The following RNF122 variants were observed in gnomAD, a reference collection of about 807,000 sequenced individuals.
The protein encoded by RNF122 is ring finger protein 122.
In RNF122, 17 loss-of-function variants were observed where a neutral mutation model predicts 24.2. That is an observed-to-expected ratio of 0.70 (90% CI 0.48 to 1.06). RNF122 has a LOEUF of 1.06. Ranked by LOEUF, RNF122 falls within the 50% of genes least tolerant of loss-of-function variation. The pLI is 0.00. For missense variants in RNF122, 168 were observed against 198.1 expected (o/e 0.85, Z 0.91); for synonymous variants, 65 against 71.8 (o/e 0.91, Z 0.48).
intron 3 of RNF122, 128 bp downstream of exon 3, chr8:33,551,216 A>AGC: frequency 3.4e-6 from 5 of 1,452,706 alleles, no homozygotes; most frequent in Non-Finnish European, 3.9e-6. Flanking sequence ...GAAGGGGTTT[A>AGC]GCCTCAGGGA....
At chr8:33,556,223 C>T (rs1462387420) in intron 2 of RNF122, among the ~76,000 whole-genome samples, 6 of 150,224 alleles carry the variant, frequency 4.0e-5, no homozygotes, top group Non-Finnish European at 5.9e-5. Flanking sequence ...AAGGTCACAC[C>T]TATTATTGGT....
chr8:33,560,404 A>G (rs1810522676), intron 1 of RNF122, among the ~76,000 whole-genome samples: 1 of 151,618 alleles, frequency 6.6e-6, no homozygotes, highest in Non-Finnish European at 1.5e-5. Context: ...ACAAGGTCTC[A>G]CTCTGTCCCT....
intron 4 of RNF122, among the ~76,000 whole-genome samples, chr8:33,550,226 C>A (rs1037038436): frequency 6.6e-5 from 10 of 152,146 alleles, no homozygotes; most frequent in African/African-American, 2.4e-4. Context: ...AGCCACCGCA[C>A]CTGGCCCAGT....
rs1457579520 is a variant in RNF122 at position 33,549,471 on chromosome 8, CCAGA to C, written c.288_291del (p.Cys96TrpfsTer10). 3 of 1,613,960 alleles carry C rather than the reference CCAGA, an allele frequency of 1.9e-6. No homozygotes were observed. Among genetic ancestry groups the C allele is most frequent in the Non-Finnish European group, 2.5e-6 (3 of 1,179,942 alleles). On this transcript the variant is annotated frameshift_variant, in exon 5 of 6. Transcript: ENST00000256257. LOFTEE classifies it high-confidence loss of function. ...AACTCATCCTTCCCCTTGAAGTCTT[CCAGA>C]CAGACTGCGCAGGTCTGCTGCAGAG...
chr8:33,553,672 CCCCAGT>C (rs1437379585), intron 2 of RNF122, among the ~76,000 whole-genome samples: 1 of 152,216 alleles, frequency 6.6e-6, no homozygotes, highest in Non-Finnish European at 1.5e-5. Flanking sequence ...TCACAAACAG[CCCCAGT>C]GGAAGGGGGT....
In RNF122 at chr8:33,566,912, A is replaced by C; in HGVS notation, c.-189T>G. 1.6e-5 allele frequency: 10 copies of C among 632,710 alleles called. No individual in the cohort carries two copies. Among genetic ancestry groups the C allele is most frequent in the East Asian group, 2.9e-5 (1 of 34,360 alleles). The allele number at this position is 632,710 out of a possible 1,614,324, so 39.2% of individuals were successfully genotyped here. A position where few individuals can be genotyped will look rare whatever the true frequency, so the allele number is the denominator to read the frequency against. ...GACGAGGCTGGTGTTCAGCCCAACA[A>C]AGAGGGACGAGGAGGAAACAAACAA... On this transcript the variant is annotated 5_prime_UTR_variant, in exon 1 of 6. Transcript: ENST00000256257.
chr8:33,565,137 C>A (rs1362609213), intron 1 of RNF122, among the ~76,000 whole-genome samples: 3 of 152,160 alleles, frequency 2.0e-5, no homozygotes, highest in Non-Finnish European at 4.4e-5. Context: ...TCCCAGCCAA[C>A]GGGAATCTTT....
chr8:33,557,338 A>T (rs1810468957), intron 2 of RNF122, among the ~76,000 whole-genome samples: 1 of 152,224 alleles, frequency 6.6e-6, no homozygotes, highest in Non-Finnish European at 1.5e-5. Flanking sequence ...TATAGAAAAC[A>T]GCCACCAGAG....
At chr8:33,552,028 T>C (rs1810383520) in intron 2 of RNF122, among the ~76,000 whole-genome samples, 2 of 152,232 alleles carry the variant, frequency 1.3e-5, no homozygotes, top group African/African-American at 4.8e-5. Context: ...GTACTTGCTA[T>C]ATGTCGCTGG....
At position 33,551,353 on chromosome 8, in the gene RNF122, T is replaced by A. The variant is rs775706522; in HGVS notation, c.219A>T (p.Gly73=). Residue 73 remains glycine, a synonymous_variant, in exon 3 of 6, where the codon GGA becomes GGT. Transcript: ENST00000256257. ...LRNQAQSERY[G]YKEVVLKGDA... ...ACACGCAGCACTTTACCTCCTTATATCCGTATCGCTCACTCTGTGCCTGGT... is the reference window on the plus strand; with the variant it reads ...ACACGCAGCACTTTACCTCCTTATAACCGTATCGCTCACTCTGTGCCTGGT... The A allele has an allele frequency of 6.2e-7, 1 of 1,613,882 alleles. No homozygotes were observed. Among genetic ancestry groups the A allele is most frequent in the Non-Finnish European group, 8.5e-7 (1 of 1,179,964 alleles).
intron 2 of RNF122, among the ~76,000 whole-genome samples, chr8:33,556,609 C>T (rs995044832): frequency 5.9e-5 from 9 of 152,078 alleles, no homozygotes; most frequent in Non-Finnish European, 8.8e-5. Context: ...AATTGCTTAA[C>T]ACGGGTGTGC....
At position 33,548,643 on chromosome 8, in the gene RNF122, T is replaced by C; in HGVS notation, c.*110A>G. On this transcript the variant is annotated 3_prime_UTR_variant, in exon 6 of 6. Coordinates refer to ENST00000256257, the MANE Select transcript of RNF122 (RefSeq NM_024787.3). ...AGTCCTAGACCACCCTTCTCATCAC[T>C]GGGAAAGTGATCGTCATCACCCTAC... The C allele has an allele frequency of 1.4e-6, 1 of 737,416 alleles. No individual in the cohort carries two copies. Among genetic ancestry groups the C allele is most frequent in the Non-Finnish European group, 2.4e-6 (1 of 413,258 alleles). 45.7% of individuals were successfully genotyped at this position (737,416 alleles called of 1,614,324 possible).
intron 2 of RNF122, among the ~76,000 whole-genome samples, chr8:33,557,522 G>A (rs1810473462): frequency 6.6e-6 from 1 of 152,106 alleles, no homozygotes; most frequent in Non-Finnish European, 1.5e-5. Flanking sequence ...CAGCTATTAG[G>A]GAGGCTGAGG....
rs755028263 is a variant in RNF122 at position 33,558,725 on chromosome 8, C to T, written c.72G>A (p.Ser24=). ...LGLVSTNKSC[S]MPPISFQDLP... is the part of the protein sequence containing the mutation. Reference sequence around the variant, plus strand: ...GGTCCTGGAAACTGATGGGTGGCATCGAGCAGGACTTGTTGGTGCTAACCA... The same window carrying T: ...GGTCCTGGAAACTGATGGGTGGCATTGAGCAGGACTTGTTGGTGCTAACCA... Residue 24 remains serine (S), a synonymous_variant, in exon 2 of 6, where the codon TCG becomes TCA. Coordinates refer to ENST00000256257, the MANE Select transcript of RNF122 (RefSeq NM_024787.3). 1.7e-5 allele frequency: 28 copies of T among 1,610,128 alleles called. No individual in the cohort carries two copies. Among genetic ancestry groups the T allele is most frequent in the Admixed American group, 1.3e-4 (8 of 59,902 alleles).
At chr8:33,557,980 T>TA (rs1810481159) in intron 2 of RNF122, among the ~76,000 whole-genome samples, 1 of 152,048 alleles carries the variant, frequency 6.6e-6, no homozygotes, top group South Asian at 2.1e-4. Flanking sequence ...CCATCTCTAC[T>TA]AAAAATACAA....
At chr8:33,556,129 G>A (rs1201904110) in intron 2 of RNF122, among the ~76,000 whole-genome samples, 2 of 138,052 alleles carry the variant, frequency 1.4e-5, no homozygotes, top group South Asian at 2.2e-4. Flanking sequence ...GCAGTGGGCC[G>A]AGATCTTACA....
At chr8:33,562,924 T>TAAACA (rs1282675312) in intron 1 of RNF122, among the ~76,000 whole-genome samples, 8 of 151,846 alleles carry the variant, frequency 5.3e-5, no homozygotes, top group Non-Finnish European at 1.2e-4. Flanking sequence ...CTCCCGTCTC[T>TAAACA]AAACAAAACA....
chr8:33,566,113 A>C (rs1179052577), intron 1 of RNF122, among the ~76,000 whole-genome samples: 1 of 152,108 alleles, frequency 6.6e-6, no homozygotes, highest in Non-Finnish European at 1.5e-5. Context: ...TCGGCCTCCC[A>C]AAGTGCTGGG....
intron 1 of RNF122, among the ~76,000 whole-genome samples, chr8:33,562,659 C>G (rs1342641744): frequency 2.6e-5 from 4 of 152,142 alleles, no homozygotes; most frequent in Non-Finnish European, 5.9e-5. Context: ...TGCAGTGACT[C>G]ACGCCTGTAA....
Sources: allele counts gnomAD v4.1 joint callset (sites outside exome capture counted in the v4.1 genomes callset), GRCh38; gene constraint gnomAD v4.1.1; transcripts MANE v1.5; gene names NCBI Gene and HGNC (gene_info 2026-07-23, HGNC 2026-07-21).